The following RBFOX1 variants were observed in gnomAD, a reference collection of about 807,000 sequenced individuals.
The protein encoded by RBFOX1 is RNA binding protein fox-1 homolog 1.
RBFOX1 carries 8 observed loss-of-function variants against 57.7 expected under a neutral mutation model. That is an observed-to-expected ratio of 0.14 (90% confidence interval 0.08 to 0.25). RBFOX1 has a LOEUF of 0.25. Ranked by LOEUF, RBFOX1 falls within the 10% of genes least tolerant of loss-of-function variation. RBFOX1 has a pLI of 1.00. For synonymous variants in RBFOX1, 326 were observed against 222.4 expected, an observed-to-expected ratio of 1.47 and a Z score of -4.15; for missense variants, 611 against 548.5, an observed-to-expected ratio of 1.11 and a Z score of -1.14.
Position 5,641,762 on chromosome 16 carries a change from C to CT in RBFOX1, c.318+42803dup, listed in dbSNP as rs777104706. Among the ~76,000 whole-genome samples, 35 of 152,130 alleles carry CT rather than the reference C, an allele frequency of 2.3e-4. 1 individual carries two copies. Among genetic ancestry groups the CT allele is most frequent in the Non-Finnish European group, 4.6e-4 (31 of 68,030 alleles). ...GCGGAATAAAGGCAGGGGGTCAGTT[C>CT]TTGGAGAGCCATGAAGACCAGTGCA... On this transcript the variant is annotated intron_variant, in intron 3 of 19. Coordinates refer to the RBFOX1 transcript ENST00000641259.
chr16:5,290,652 G>A (rs2063511144), intron 1 of RBFOX1, among the ~76,000 whole-genome samples: 1 of 151,938 alleles, frequency 6.6e-6, no homozygotes, highest in Non-Finnish European at 1.5e-5. Flanking sequence ...AATGAGGAAC[G>A]GCATAGTGAA....
At chr16:6,969,153 T>C (rs773807042) in intron 3 of RBFOX1, among the ~76,000 whole-genome samples, 8 of 152,200 alleles carry the variant, frequency 5.3e-5, no homozygotes, top group Admixed American at 2.6e-4. Flanking sequence ...TTTAGCTGTC[T>C]GTCCCCAAAA....
At chr16:6,981,094 T>TTTTCCAA (rs993358720) in intron 3 of RBFOX1, among the ~76,000 whole-genome samples, 13 of 148,948 alleles carry the variant, frequency 8.7e-5, no homozygotes, top group African/African-American at 3.3e-4. Context: ...GATCCAGTAC[T>TTTTCCAA]TTTCCAATTA....
intron 1 of RBFOX1, among the ~76,000 whole-genome samples, chr16:6,232,126 A>G (rs148775231): frequency 1.3e-5 from 2 of 152,286 alleles, no homozygotes; most frequent in East Asian, 3.9e-4. Flanking sequence ...TTAAAAATGT[A>G]TTGAATGCCT....
intron 4 of RBFOX1, among the ~76,000 whole-genome samples, chr16:6,010,257 T>C (rs1355646237): frequency 1.3e-5 from 2 of 152,192 alleles, no homozygotes; most frequent in South Asian, 2.1e-4. Context: ...GTAAGTGGTA[T>C]AGGATTAACA....
chr16:7,065,263 T>C (rs2055678669), intron 4 of RBFOX1, among the ~76,000 whole-genome samples: 1 of 152,172 alleles, frequency 6.6e-6, no homozygotes. Context: ...GTAGCGAAGG[T>C]AGAAGGTGCC....
chr16:7,087,717 G>A (rs951761973), intron 4 of RBFOX1, among the ~76,000 whole-genome samples: 3 of 152,080 alleles, frequency 2.0e-5, no homozygotes, highest in South Asian at 2.1e-4. Context: ...AAAGAAGAGG[G>A]TCTCTAAGGA....
At chr16:5,802,219 G>T (rs776015450) in intron 3 of RBFOX1, among the ~76,000 whole-genome samples, 32 of 152,132 alleles carry the variant, frequency 2.1e-4, no homozygotes, top group Admixed American at 5.2e-4. Flanking sequence ...TCAAAAGGAA[G>T]CCTGAAATAA....
intron 5 of RBFOX1, among the ~76,000 whole-genome samples, chr16:7,557,555 G>A (rs769810992): frequency 7.2e-6 from 1 of 138,864 alleles, no homozygotes; most frequent in Non-Finnish European, 1.5e-5. Flanking sequence ...GGGAGGCAGA[G>A]GTTTCAGTGA....
chr16:5,403,499 A>G (rs1330509484), intron 1 of RBFOX1, among the ~76,000 whole-genome samples: 1 of 152,134 alleles, frequency 6.6e-6, no homozygotes, highest in African/African-American at 2.4e-5. Flanking sequence ...GCTGGAGTGC[A>G]GTGGCACAAT....
At chr16:7,262,309 C>G (rs1337765323) in intron 4 of RBFOX1, among the ~76,000 whole-genome samples, 1 of 121,428 alleles carries the variant, frequency 8.2e-6, no homozygotes, top group East Asian at 2.1e-4. Flanking sequence ...TTGCCCATTT[C>G]TCTATTTTTT....
chr16:7,095,719 T>C (rs889137428), intron 4 of RBFOX1, among the ~76,000 whole-genome samples: 1 of 152,206 alleles, frequency 6.6e-6, no homozygotes, highest in African/African-American at 2.4e-5. Context: ...TTTTAATTCA[T>C]TTCCTTGTTA....
chr16:5,957,643 G>A lies in RBFOX1; in HGVS notation c.351+90308G>A, dbSNP rs141545236. On this transcript the variant is annotated intron_variant, in intron 4 of 19. Coordinates refer to the RBFOX1 transcript ENST00000641259. ...CACTTGCATGATGATGGGCAGCCTC[G>A]TTTTATTTTTCATTAAAACATTTTT... Among the ~76,000 whole-genome samples the A allele has an allele frequency of 4.0e-4, 61 of 152,204 alleles. No individual in the cohort carries two copies. The East Asian group carries it at 9.5e-3, about 24-fold the overall frequency.
At chr16:6,135,314 C>T (rs2096658538) in intron 1 of RBFOX1, among the ~76,000 whole-genome samples, 1 of 152,182 alleles carries the variant, frequency 6.6e-6, no homozygotes, top group African/African-American at 2.4e-5. Flanking sequence ...AAAGCATTGG[C>T]TGTACTTTGA....
intron 1 of RBFOX1, among the ~76,000 whole-genome samples, chr16:6,189,871 C>G (rs1390643972): frequency 3.3e-5 from 5 of 152,132 alleles, no homozygotes; most frequent in African/African-American, 1.2e-4. Flanking sequence ...TTGATGTGAT[C>G]CCAATTGTCC....
rs377234868 is a variant in RBFOX1 at position 7,473,104 on chromosome 16, G to A, written c.28-45043G>A. Among the ~76,000 whole-genome samples the A allele has an allele frequency of 5.3e-5, 8 of 152,308 alleles. No individual in the cohort carries two copies. The East Asian group carries it at 1.2e-3, about 22-fold the overall frequency. ...TAGATTAAAAGGATCTCCGCTAGGT[G>A]CAGTGGCTCATGCCTGTAATCTCAG... On this transcript the variant is annotated intron_variant, in intron 4 of 15. Coordinates refer to ENST00000550418, the MANE Select transcript of RBFOX1 (RefSeq NM_018723.4).
At position 6,805,074 on chromosome 16, in the gene RBFOX1, A is replaced by T. The variant is rs151282923; in HGVS notation, c.-16+150424A>T. ...GCAGAGGAATATAAATTATTCTACC[A>T]TAAAGACCCATGCACGTGAATGTTC... On this transcript the variant is annotated intron_variant, in intron 3 of 15. Transcript: ENST00000550418. Among the ~76,000 whole-genome samples the T allele has an allele frequency of 5.6e-3, 851 of 152,296 alleles. 10 individuals are homozygous for T. Among genetic ancestry groups the T allele is most frequent in the African/African-American group, 0.018 (767 of 41,564 alleles).
chr16:5,700,022 C>T lies in RBFOX1; in HGVS notation c.318+101061C>T, dbSNP rs1017566681. On this transcript the variant is annotated intron_variant, in intron 3 of 19. Transcript: ENST00000641259. The stretch of plus-strand genomic sequence containing the variant: ...TAATTTTTTGTATTTTTAGTAGAGA[C>T]GGGGTTTTACCGTGTTAGCCAGGAT... Among the ~76,000 whole-genome samples, 22 of 152,106 alleles carry T rather than the reference C, an allele frequency of 1.4e-4. 1 individual carries two copies. Among genetic ancestry groups the T allele is most frequent in the South Asian group, 6.2e-4 (3 of 4,816 alleles).
chr16:6,549,732 T>C (rs934909099), intron 2 of RBFOX1, among the ~76,000 whole-genome samples: 1 of 151,436 alleles, frequency 6.6e-6, no homozygotes, highest in Non-Finnish European at 1.5e-5. Flanking sequence ...ACCTACAGAG[T>C]AAGGTAAGAA....
Sources: allele counts gnomAD v4.1 joint callset (sites outside exome capture counted in the v4.1 genomes callset), GRCh38; gene constraint gnomAD v4.1.1; transcripts MANE v1.5; gene names NCBI Gene and HGNC (gene_info 2026-07-23, HGNC 2026-07-21).